The following PROS1 variants were observed in gnomAD, a reference collection of about 807,000 sequenced individuals.
PROS1 encodes protein S.
PROS1 carries 29 observed loss-of-function variants against 75.9 expected under a neutral mutation model. That is an observed-to-expected ratio of 0.38 (90% CI 0.28 to 0.52). The LOEUF (loss-of-function observed/expected upper bound fraction) is 0.52. Ranked by LOEUF, PROS1 falls within the 20% of genes least tolerant of loss-of-function variation. The pLI is 0.83. For missense variants in PROS1, 680 were observed against 810.3 expected (o/e 0.84, Z 1.95); for synonymous variants, 245 against 280.6 (o/e 0.87, Z 1.27).
chr3:93,922,727 G>T (rs1457980700), intron 3 of PROS1, among the ~76,000 whole-genome samples: 3 of 152,016 alleles, frequency 2.0e-5, no homozygotes, highest in Non-Finnish European at 4.4e-5. Flanking sequence ...TTGGCCTATA[G>T]AATATACACA....
chr3:93,895,156 T>C (rs1002211766), intron 9 of PROS1, among the ~76,000 whole-genome samples: 6 of 152,236 alleles, frequency 3.9e-5, no homozygotes, highest in African/African-American at 2.4e-5. Context: ...GTTGTCATAC[T>C]GTATTGTGTC....
At chr3:93,952,255 C>T (rs1341598828) in intron 1 of PROS1, among the ~76,000 whole-genome samples, 1 of 152,152 alleles carries the variant, frequency 6.6e-6, no homozygotes, top group African/African-American at 2.4e-5. Context: ...AACTCTCCAC[C>T]CCAAATCAAC....
At chr3:93,946,856 A>C (rs1156308453) in intron 1 of PROS1, among the ~76,000 whole-genome samples, 3 of 151,728 alleles carry the variant, frequency 2.0e-5, no homozygotes, top group African/African-American at 7.3e-5. Context: ...AAAAAAAAAA[A>C]AACTATCATC....
intron 12 of PROS1, among the ~76,000 whole-genome samples, chr3:93,881,560 T>TTG (rs1017637403): frequency 1.4e-5 from 2 of 147,688 alleles, no homozygotes; most frequent in Non-Finnish European, 3.0e-5. Context: ...TAAGCACTTT[T>TTG]TTTTTTTTTT....
At chr3:93,969,430 G>T (rs1019780097) in intron 1 of PROS1, among the ~76,000 whole-genome samples, 4 of 152,172 alleles carry the variant, frequency 2.6e-5, no homozygotes, top group African/African-American at 9.7e-5. Flanking sequence ...TTATTTCTGT[G>T]TCCTTCCCAG....
chr3:93,880,506 CA>C (rs550598147), intron 12 of PROS1, among the ~76,000 whole-genome samples: 229 of 141,682 alleles, frequency 1.6e-3, no homozygotes, highest in African/African-American at 5.6e-3. Context: ...ACTCTGTCTC[CA>C]AAAAAAAAAG....
At position 93,874,048 on chromosome 3, in the gene PROS1, G is replaced by A. The variant is rs182088150; in HGVS notation, c.*197C>T. On this transcript the variant is annotated 3_prime_UTR_variant, in exon 15 of 15. Coordinates refer to ENST00000394236, the MANE Select transcript of PROS1 (RefSeq NM_000313.4). ...ATTTTTCACTATTCTTAGATAGCAA[G>A]AGAAGTAAGAATTTCTTTACTGTGA... 1,959 of 601,564 alleles carry A rather than the reference G, an allele frequency of 3.3e-3. 32 individuals are homozygous for A. Among genetic ancestry groups the A allele is most frequent in the African/African-American group, 0.032 (1,735 of 53,754 alleles). The allele number at this position is 601,564 out of a possible 1,614,324, so 37.3% of individuals were successfully genotyped here. A position where few individuals can be genotyped will look rare whatever the true frequency, so the allele number is the denominator to read the frequency against.
intron 1 of PROS1, among the ~76,000 whole-genome samples, chr3:93,937,647 G>A (rs865825275): frequency 6.6e-6 from 1 of 152,112 alleles, no homozygotes; most frequent in African/African-American, 2.4e-5. Context: ...GATTACAGGC[G>A]TGAGTCACCA....
At chr3:93,969,235 C>A (rs1310915245) in intron 1 of PROS1, among the ~76,000 whole-genome samples, 1 of 151,052 alleles carries the variant, frequency 6.6e-6, no homozygotes, top group Non-Finnish European at 1.5e-5. Context: ...TTGATGATAC[C>A]TAGGAAATGG....
intron 6 of PROS1, among the ~76,000 whole-genome samples, chr3:93,901,813 A>G (rs1274102515): frequency 6.6e-6 from 1 of 152,152 alleles, no homozygotes; most frequent in Non-Finnish European, 1.5e-5. Context: ...TTGTACTATC[A>G]TTTTGTAAAC....
At chr3:93,953,995 A>T (rs1319040625) in intron 1 of PROS1, among the ~76,000 whole-genome samples, 2 of 152,220 alleles carry the variant, frequency 1.3e-5, no homozygotes, top group African/African-American at 4.8e-5. Context: ...AGAATAAAAT[A>T]CCTGGGAATC....
In PROS1 at chr3:93,874,033, ATTC is replaced by A; in HGVS notation, c.*209_*211del. The A allele has an allele frequency of 1.9e-6, 1 of 538,220 alleles. No individual in the cohort carries two copies. The highest frequency in any genetic ancestry group is 1.9e-5 in the African/African-American group (1 of 52,524). The allele number at this position is 538,220 out of a possible 1,614,324, so 33.3% of individuals were successfully genotyped here. A position where few individuals can be genotyped will look rare whatever the true frequency, so the allele number is the denominator to read the frequency against. ...AAATTTAAAATTGTTATTTTTCACT[ATTC>A]TTAGATAGCAAGAGAAGTAAGAATT... On this transcript the variant is annotated 3_prime_UTR_variant, in exon 15 of 15. Transcript: ENST00000394236.
intron 1 of PROS1, among the ~76,000 whole-genome samples, chr3:93,942,307 C>T (rs1032521951): frequency 5.3e-5 from 8 of 152,136 alleles, no homozygotes; most frequent in African/African-American, 9.7e-5. Context: ...CTGAATATTC[C>T]GTCCATATCC....
chr3:93,913,217 A>T (rs1162262047), intron 3 of PROS1, among the ~76,000 whole-genome samples: 8 of 152,148 alleles, frequency 5.3e-5, no homozygotes, highest in Non-Finnish European at 1.2e-4. Flanking sequence ...CCTTGTGAAG[A>T]AGATGCCTTG....
At chr3:93,919,302 G>A (rs754390026) in intron 3 of PROS1, among the ~76,000 whole-genome samples, 87 of 151,882 alleles carry the variant, frequency 5.7e-4, no homozygotes, top group Middle Eastern at 3.2e-3. Context: ...TCTAATTTTT[G>A]GCAGACTAAT....
intron 1 of PROS1, among the ~76,000 whole-genome samples, chr3:93,944,663 G>A (rs976954165): frequency 7.5e-4 from 114 of 152,256 alleles, no homozygotes; most frequent in African/African-American, 2.7e-3. Flanking sequence ...GCAGTATATT[G>A]GAGGGAAATT....
At chr3:93,915,853 C>T (rs1322316768) in intron 3 of PROS1, among the ~76,000 whole-genome samples, 3 of 152,132 alleles carry the variant, frequency 2.0e-5, no homozygotes, top group Non-Finnish European at 4.4e-5. Flanking sequence ...CTAGCCTGCT[C>T]CTCCAGATTC....
intron 6 of PROS1, 83 bp downstream of exon 6, chr3:93,905,700 TC>T: frequency 1.4e-6 from 2 of 1,465,652 alleles, no homozygotes; most frequent in Non-Finnish European, 9.5e-7. Context: ...ATATCATTTT[TC>T]CAAAAATTTG....
intron 4 of PROS1, among the ~76,000 whole-genome samples, chr3:93,908,497 G>A (rs1429646571): frequency 6.6e-6 from 1 of 152,146 alleles, no homozygotes; most frequent in Non-Finnish European, 1.5e-5. Flanking sequence ...GAAAAAATGT[G>A]TGTGTATGGA....
Sources: allele counts gnomAD v4.1 joint callset (sites outside exome capture counted in the v4.1 genomes callset), GRCh38; gene constraint gnomAD v4.1.1; transcripts MANE v1.5; gene names NCBI Gene and HGNC (gene_info 2026-07-23, HGNC 2026-07-21).